Variants in CFAP61 observed in about 807,000 individuals in gnomAD.
CFAP61 encodes the protein cilia- and flagella-associated protein 61.
In CFAP61, 107 loss-of-function variants were observed where a neutral mutation model predicts 135.6. The observed-to-expected ratio is 0.79, with a 90% CI of 0.67 to 0.93. The LOEUF (loss-of-function observed/expected upper bound fraction) is 0.93. CFAP61 is among the 40% of genes least tolerant of loss of function. The pLI, the probability that CFAP61 is intolerant of heterozygous loss-of-function variation, is 0.00. For synonymous variants in CFAP61, 575 were observed against 578.5 expected, an observed-to-expected ratio of 0.99 and a Z score of 0.09; for missense variants, 1,507 against 1,556.2, an observed-to-expected ratio of 0.97 and a Z score of 0.53.
intron 20 of CFAP61, chr20:20,253,945 ATC>A (rs962655848): frequency 1.5e-5 from 2 of 137,256 alleles, no homozygotes; most frequent in African/African-American, 2.8e-5. Flanking sequence ...CCTCTGAAGA[ATC>A]TCTCTCCTCC....
chr20:20,301,569 A>G (rs770405593), intron 25 of CFAP61, among the ~76,000 whole-genome samples: 1 of 152,226 alleles, frequency 6.6e-6, no homozygotes, highest in Non-Finnish European at 1.5e-5. Context: ...TGGCCAGTCT[A>G]GTGGCATACA....
Position 20,359,826 on chromosome 20 carries a change from A to C in CFAP61, c.3514-384A>C, listed in dbSNP as rs781404243. Among the ~76,000 whole-genome samples the C allele has an allele frequency of 6.6e-6, 1 of 152,168 alleles. No individual in the cohort carries two copies. Among genetic ancestry groups the C allele is most frequent in the Non-Finnish European group, 1.5e-5 (1 of 68,030 alleles). ...ACAAAAAAAAGTACTACAGGGTTCCACTCATATGAGATGCCTGCGTAGTCA... is the reference window on the plus strand; with the variant it reads ...ACAAAAAAAAGTACTACAGGGTTCCCCTCATATGAGATGCCTGCGTAGTCA... On this transcript the variant is annotated intron_variant, in intron 26 of 26. Transcript: ENST00000245957. The surrounding 1 kb of genome is among the most constrained non-coding windows in gnomAD (Gnocchi z 4.0).
chr20:20,329,750 C>A lies in CFAP61; in HGVS notation c.3423-12081C>A, dbSNP rs78526396. 5.3e-3 allele frequency among the ~76,000 whole-genome samples: 807 copies of A among 152,356 alleles called. 11 individuals are homozygous for A. Among genetic ancestry groups the A allele is most frequent in the African/African-American group, 0.015 (642 of 41,572 alleles). On this transcript the variant is annotated intron_variant, in intron 25 of 26. Coordinates refer to ENST00000245957, the MANE Select transcript of CFAP61 (RefSeq NM_015585.4). The stretch of plus-strand genomic sequence containing the variant: ...CAGTCAAACCACCTGTCATTCCCAG[C>A]AGGCCCTGCCTGCTTTGTGCCTCCA...
At chr20:20,083,950 A>G (rs955498532) in intron 6 of CFAP61, among the ~76,000 whole-genome samples, 2 of 152,240 alleles carry the variant, frequency 1.3e-5, no homozygotes, top group African/African-American at 4.8e-5. Context: ...ACAGTGGAAT[A>G]CTATATGGAG....
At chr20:20,082,637 T>C (rs1380631806) in intron 6 of CFAP61, among the ~76,000 whole-genome samples, 1 of 152,236 alleles carries the variant, frequency 6.6e-6, no homozygotes, top group African/African-American at 2.4e-5. Flanking sequence ...TTATGTGCTT[T>C]CAAACAATGT....
chr20:20,196,517 A>T (rs1458624832), intron 15 of CFAP61, 53 bp from the exon 16 acceptor site: 4 of 1,303,308 alleles, frequency 3.1e-6, no homozygotes, highest in South Asian at 1.2e-5. Context: ...CACAAAATGC[A>T]TGCCGTTTGT....
chr20:20,327,207 T>A (rs1030913953), intron 25 of CFAP61, among the ~76,000 whole-genome samples: 1 of 152,198 alleles, frequency 6.6e-6, no homozygotes, highest in Non-Finnish European at 1.5e-5. Flanking sequence ...TAACAGCACC[T>A]TTTTTCTTTC....
At chr20:20,358,764 T>C (rs1455614905) in intron 26 of CFAP61, among the ~76,000 whole-genome samples, 4 of 152,242 alleles carry the variant, frequency 2.6e-5, no homozygotes, top group African/African-American at 4.8e-5. Flanking sequence ...ACTTTATGCC[T>C]CCATATAGCT....
intron 25 of CFAP61, among the ~76,000 whole-genome samples, chr20:20,327,775 G>A (rs113610826): frequency 8.3e-5 from 4 of 48,248 alleles, no homozygotes; most frequent in African/African-American, 5.1e-4. Flanking sequence ...GCAAGAGCCT[G>A]TCAAAAAAAA....
At chr20:20,324,071 G>A (rs927864776) in intron 25 of CFAP61, among the ~76,000 whole-genome samples, 2 of 151,938 alleles carry the variant, frequency 1.3e-5, no homozygotes, top group African/African-American at 2.4e-5. Flanking sequence ...TCTTTTTGGC[G>A]TATCCTTGAT....
chr20:20,061,469 G>C (rs1279177859), intron 2 of CFAP61, among the ~76,000 whole-genome samples: 2 of 152,026 alleles, frequency 1.3e-5, no homozygotes, highest in Non-Finnish European at 2.9e-5. Context: ...CAAAGTATCA[G>C]GAAAAAAGAT....
intron 8 of CFAP61, among the ~76,000 whole-genome samples, chr20:20,138,295 T>G (rs1326538799): frequency 6.6e-6 from 1 of 152,208 alleles, no homozygotes; most frequent in Non-Finnish European, 1.5e-5. Context: ...GTCCCCTAAG[T>G]CCGGTAGCTC....
At chr20:20,285,902 C>T (rs1241928109) in intron 22 of CFAP61, among the ~76,000 whole-genome samples, 40 of 120,266 alleles carry the variant, frequency 3.3e-4, no homozygotes, top group Non-Finnish European at 2.8e-4. Flanking sequence ...GCCTGGGTGA[C>T]AAAGTGAGAC....
At chr20:20,098,478 C>T (rs1256675295) in intron 7 of CFAP61, among the ~76,000 whole-genome samples, 177 bp from the exon 8 acceptor site, 1 of 151,746 alleles carries the variant, frequency 6.6e-6, no homozygotes, top group African/African-American at 2.4e-5. Context: ...GGTGTGGTGG[C>T]GGGCGCCTGC....
chr20:20,155,697 T>G (rs2146787399), intron 9 of CFAP61, among the ~76,000 whole-genome samples: 1 of 152,110 alleles, frequency 6.6e-6, no homozygotes, highest in African/African-American at 2.4e-5. Flanking sequence ...ATCAGGGAAA[T>G]GAAAATCAAA....
chr20:20,277,750 G>A (rs1601778444), intron 22 of CFAP61, among the ~76,000 whole-genome samples: 3 of 152,176 alleles, frequency 2.0e-5, no homozygotes, highest in Admixed American at 6.5e-5. Context: ...ACTTGAGGTC[G>A]CTCATGCGGC....
chr20:20,333,709 G>T (rs1331152999), intron 25 of CFAP61, among the ~76,000 whole-genome samples: 1 of 152,218 alleles, frequency 6.6e-6, no homozygotes, highest in African/African-American at 2.4e-5. Flanking sequence ...ACAGCAGACA[G>T]ATCCTTCAGG....
chr20:20,091,008 AGT>A, intron 7 of CFAP61, 32 bp downstream of exon 7: 1 of 1,611,128 alleles, frequency 6.2e-7, no homozygotes, highest in South Asian at 1.1e-5. Context: ...GAACACACTT[AGT>A]GAGAGGAAGG....
At chr20:20,257,860 G>A (rs1364275742) in intron 20 of CFAP61, among the ~76,000 whole-genome samples, 2 of 152,124 alleles carry the variant, frequency 1.3e-5, no homozygotes, top group Non-Finnish European at 1.5e-5. Flanking sequence ...TTGTCTTAAG[G>A]GGAGAAACCC....
Sources: allele counts gnomAD v4.1 joint callset (sites outside exome capture counted in the v4.1 genomes callset), GRCh38; gene constraint gnomAD v4.1.1; non-coding constraint Gnocchi (gnomAD v3.1); transcripts MANE v1.5; gene names NCBI Gene and HGNC (gene_info 2026-07-23, HGNC 2026-07-21).